Variants in EPHB2 observed in about 807,000 individuals in gnomAD.
The protein encoded by EPHB2 is ephrin type-B receptor 2.
Under a neutral mutation model 96.4 loss-of-function variants are expected in EPHB2, and 18 were observed. The ratio of observed to expected loss-of-function variants is 0.19; its 90% CI spans 0.13 to 0.28. The LOEUF (loss-of-function observed/expected upper bound fraction) is 0.28, where lower values mean the gene tolerates loss of function less well. Among genes scored for constraint, EPHB2 ranks in the 10% least tolerant of loss-of-function variants. The probability of loss-of-function intolerance (pLI) is 1.00; values close to 1 mark genes in which losing one functional copy is unlikely to be tolerated. For missense variants in EPHB2, 989 were observed against 1,355.4 expected (o/e 0.73, Z 4.25); for synonymous variants, 506 against 534.1 (o/e 0.95, Z 0.72).
intron 1 of EPHB2, among the ~76,000 whole-genome samples, chr1:22,722,822 C>A (rs1643496047): frequency 6.6e-6 from 1 of 152,176 alleles, no homozygotes; most frequent in Non-Finnish European, 1.5e-5. Flanking sequence ...GCTTCTTGAA[C>A]TATACAATGA....
chr1:22,775,663 G>A (rs979665067), intron 1 of EPHB2, among the ~76,000 whole-genome samples: 3 of 152,248 alleles, frequency 2.0e-5, no homozygotes, highest in South Asian at 2.1e-4. Context: ...AGGGGCCATC[G>A]GGCCTCCCCA....
At position 22,864,922 on chromosome 1, in the gene EPHB2, C is replaced by T; in HGVS notation, c.1013C>T (p.Thr338Ile). 1 of 1,608,150 alleles carries T rather than the reference C, an allele frequency of 6.2e-7. No individual in the cohort carries two copies. Among genetic ancestry groups the T allele is most frequent in the Non-Finnish European group, 8.5e-7 (1 of 1,177,294 alleles). Reference sequence around the variant, plus strand: ...GCTGTGATTTCCAGTGTCAATGAGACCTCCCTCATGCTGGAGTGGACCCCT... The same window carrying T: ...GCTGTGATTTCCAGTGTCAATGAGATCTCCCTCATGCTGGAGTGGACCCCT... ...PQAVISSVNE[T>I]SLMLEWTPPR... The change falls in exon 5 of 16, where the codon ACC becomes ATC. Residue 338 changes from threonine to isoleucine, a missense_variant. Thr to Ile is a moderately conservative substitution (Grantham distance 89, BLOSUM62 -1). Coordinates refer to ENST00000374630, the MANE Select transcript of EPHB2 (RefSeq NM_017449.5).
At chr1:22,874,376 C>A (rs966423072) in intron 5 of EPHB2, among the ~76,000 whole-genome samples, 2 of 152,206 alleles carry the variant, frequency 1.3e-5, no homozygotes, top group Non-Finnish European at 2.9e-5. Context: ...GTAGGACTGT[C>A]CCACCAGGAG....
intron 1 of EPHB2, among the ~76,000 whole-genome samples, chr1:22,773,520 C>T (rs1422040215): frequency 6.6e-6 from 1 of 152,202 alleles, no homozygotes; most frequent in African/African-American, 2.4e-5. Context: ...AGTCTGTAGG[C>T]GAAGACCCGT....
intron 3 of EPHB2, chr1:22,836,871 CA>C (rs1339954296): frequency 6.6e-6 from 1 of 152,274 alleles, no homozygotes; most frequent in Non-Finnish European, 1.5e-5. Flanking sequence ...GAGGAGAAGA[CA>C]GAGCTTTCTT....
intron 3 of EPHB2, among the ~76,000 whole-genome samples, chr1:22,837,342 TAG>T (rs913490939): frequency 2.0e-5 from 3 of 152,054 alleles, no homozygotes; most frequent in Non-Finnish European, 2.9e-5. Context: ...TGCACACACA[TAG>T]ATGCCTGCTT....
chr1:22,807,612 A>G (rs935531218), intron 3 of EPHB2, among the ~76,000 whole-genome samples: 1 of 152,166 alleles, frequency 6.6e-6, no homozygotes, highest in African/African-American at 2.4e-5. Flanking sequence ...AGCCACATCC[A>G]TGCCCTCCAG....
intron 14 of EPHB2, 122 bp downstream of exon 14, chr1:22,910,697 G>A (rs2124132075): frequency 1.5e-6 from 2 of 1,303,824 alleles, no homozygotes; most frequent in Non-Finnish European, 2.2e-6. Context: ...GGAAGGACAG[G>A]ACTAGTGTTT....
At chr1:22,811,341 T>G (rs1384817907) in intron 3 of EPHB2, among the ~76,000 whole-genome samples, 1 of 152,206 alleles carries the variant, frequency 6.6e-6, no homozygotes, top group Non-Finnish European at 1.5e-5. Flanking sequence ...CGGACCCTAA[T>G]GACCAGCAAG....
At chr1:22,869,334 G>A (rs1638583143) in intron 5 of EPHB2, among the ~76,000 whole-genome samples, 1 of 152,060 alleles carries the variant, frequency 6.6e-6, no homozygotes, top group South Asian at 2.1e-4. Flanking sequence ...GTATAGTGTA[G>A]ACACAGTATC....
Position 22,781,350 on chromosome 1 carries a change from G to A in EPHB2, c.62-71G>A. The A allele has an allele frequency of 1.5e-6, 2 of 1,330,514 alleles. 1 individual carries two copies. Among genetic ancestry groups the A allele is most frequent in the South Asian group, 2.4e-5 (2 of 82,626 alleles). 82.4% of individuals were successfully genotyped at this position (1,330,514 alleles called of 1,614,324 possible). On this transcript the variant is annotated intron_variant, in intron 1 of 15. Coordinates refer to ENST00000374630, the MANE Select transcript of EPHB2 (RefSeq NM_017449.5). ...AAAAAAAAAAAAGAAGAAGAAGGAT[G>A]AGGGCCCAACAGAAAGATTGACAGC...
rs1188935563 is a variant in EPHB2, at chr1:22,846,661, G to C, written c.812-16376G>C. Among the ~76,000 whole-genome samples the C allele has an allele frequency of 1.3e-5, 2 of 152,198 alleles. No homozygotes were observed. Among genetic ancestry groups the C allele is most frequent in the Non-Finnish European group, 2.9e-5 (2 of 68,026 alleles). ...TTCCAGCTGCCTCAAACGAGCAGCA[G>C]GTCCTCAGCCTTGCCATGCAGTTTC... On this transcript the variant is annotated intron_variant, in intron 3 of 15. Transcript: ENST00000374630. The surrounding 1 kb of genome is among the most constrained non-coding windows in gnomAD (Gnocchi z 4.3).
chr1:22,910,578 A>G lies in EPHB2; in HGVS notation c.2696+3A>G. The G allele has an allele frequency of 6.3e-7, 1 of 1,585,284 alleles. No individual in the cohort carries two copies. The highest frequency in any genetic ancestry group is 8.5e-7 in the Non-Finnish European group (1 of 1,179,242). On this transcript the variant is annotated splice_donor_region_variant and intron_variant, in intron 14 of 15. Transcript: ENST00000374630. ...GCCATGGCGCCCCTCTCCTCTGGGTAAGGCCCCACCCTGGCCCTGCCCCAG... is the reference window on the plus strand; with the variant it reads ...GCCATGGCGCCCCTCTCCTCTGGGTGAGGCCCCACCCTGGCCCTGCCCCAG...
chr1:22,850,375 C>T (rs532316186), intron 3 of EPHB2, among the ~76,000 whole-genome samples: 5 of 152,300 alleles, frequency 3.3e-5, no homozygotes, highest in Admixed American at 1.3e-4. Flanking sequence ...GCACGTGGGG[C>T]GGTTTGGGAG....
At chr1:22,717,817 G>C (rs759688563) in intron 1 of EPHB2, among the ~76,000 whole-genome samples, 1 of 152,198 alleles carries the variant, frequency 6.6e-6, no homozygotes, top group Non-Finnish European at 1.5e-5. Flanking sequence ...ATAAACAGCA[G>C]AGCCTGGGGG....
In EPHB2 at chr1:22,913,708, C is replaced by T. The variant is rs767105435; in HGVS notation, c.*138C>T. ...GGGCCACGGGAAGAACCAAGCGGTG[C>T]CAGCCACGAGACGTCACCAAGAAAA... On this transcript the variant is annotated 3_prime_UTR_variant, in exon 16 of 16. Transcript: ENST00000374630. This position sits in a 1 kb window ranked among gnomAD's most constrained non-coding sequence, Gnocchi z 4.1. 1.9e-6 allele frequency: 3 copies of T among 1,602,030 alleles called. No individual in the cohort carries two copies. The South Asian group carries it at 3.4e-5, about 18-fold the overall frequency.
chr1:22,867,141 G>C (rs1242819033), intron 5 of EPHB2, among the ~76,000 whole-genome samples: 1 of 152,228 alleles, frequency 6.6e-6, no homozygotes, highest in Non-Finnish European at 1.5e-5. Context: ...CAGTTCTTGG[G>C]CGAAGTCCTT....
chr1:22,753,542 C>T (rs555704067), intron 1 of EPHB2, among the ~76,000 whole-genome samples: 20 of 152,290 alleles, frequency 1.3e-4, no homozygotes, highest in Non-Finnish European at 2.5e-4. Flanking sequence ...GGAAGGCTCC[C>T]ATGAGCCGAG....
chr1:22,854,802 G>T (rs1363581259), intron 3 of EPHB2, among the ~76,000 whole-genome samples: 1 of 152,198 alleles, frequency 6.6e-6, no homozygotes, highest in Non-Finnish European at 1.5e-5. Flanking sequence ...GTACGGAGGA[G>T]GACCAGGCAT....
Sources: allele counts gnomAD v4.1 joint callset (sites outside exome capture counted in the v4.1 genomes callset), GRCh38; gene constraint gnomAD v4.1.1; non-coding constraint Gnocchi (gnomAD v3.1); transcripts MANE v1.5; gene names NCBI Gene and HGNC (gene_info 2026-07-23, HGNC 2026-07-21).